The following SGCZ variants were observed in gnomAD, a reference collection of about 807,000 sequenced individuals.
SGCZ encodes zeta-sarcoglycan.
A neutral mutation model predicts 41.3 loss-of-function variants in SGCZ; 40 were observed. The observed-to-expected ratio is 0.97, with a 90% confidence interval of 0.75 to 1.26. SGCZ has a LOEUF of 1.26. Ranked by LOEUF, SGCZ falls within the 50% of genes most tolerant of loss-of-function variation. The pLI, the probability that SGCZ is intolerant of heterozygous loss-of-function variation, is 0.00. For synonymous variants in SGCZ, 206 were observed against 137.5 expected, an observed-to-expected ratio of 1.50 and a Z score of -3.49; for missense variants, 552 against 369.8, an observed-to-expected ratio of 1.49 and a Z score of -4.04.
intron 2 of SGCZ, among the ~76,000 whole-genome samples, chr8:14,446,169 C>T (rs117506596): frequency 6.6e-6 from 1 of 152,134 alleles, no homozygotes; most frequent in African/African-American, 2.4e-5. Context: ...GCTCCAATAA[C>T]TGAATCTTCA....
intron 3 of SGCZ, among the ~76,000 whole-genome samples, chr8:14,248,049 G>T (rs1005191752): frequency 2.6e-5 from 4 of 152,156 alleles, no homozygotes; most frequent in Non-Finnish European, 5.9e-5. Flanking sequence ...TATGTCCAAA[G>T]AAATCAAATT....
At chr8:14,268,643 A>T (rs1398130695) in intron 3 of SGCZ, among the ~76,000 whole-genome samples, 3 of 151,912 alleles carry the variant, frequency 2.0e-5, no homozygotes, top group Admixed American at 1.3e-4. Context: ...GCTTTTAATT[A>T]TAACAAAAAT....
chr8:14,823,225 CA>C (rs1175659478), intron 1 of SGCZ, among the ~76,000 whole-genome samples: 1 of 151,814 alleles, frequency 6.6e-6, no homozygotes, highest in African/African-American at 2.4e-5. Flanking sequence ...CAAAAATATA[CA>C]AACAGAATTA....
At chr8:15,024,891 G>A (rs1803393120) in intron 1 of SGCZ, among the ~76,000 whole-genome samples, 1 of 151,784 alleles carries the variant, frequency 6.6e-6, no homozygotes, top group Non-Finnish European at 1.5e-5. Context: ...AGCCGAGATG[G>A]CGCCACTGCA....
chr8:15,140,975 C>T (rs1808299630), intron 1 of SGCZ, among the ~76,000 whole-genome samples: 2 of 152,162 alleles, frequency 1.3e-5, no homozygotes, highest in African/African-American at 4.8e-5. Flanking sequence ...GGATTTATAG[C>T]TTTACTTAAG....
Position 14,867,401 on chromosome 8 carries a change from T to C in SGCZ, c.40-312475A>G, listed in dbSNP as rs145904685. Reference sequence around the variant, plus strand: ...ATGTATTTGCTATAGGGAATAGTACTGCAATAAAGATACACATGCATGTAT... The same window carrying C: ...ATGTATTTGCTATAGGGAATAGTACCGCAATAAAGATACACATGCATGTAT... On this transcript the variant is annotated intron_variant, in intron 1 of 7. Coordinates refer to ENST00000382080, the MANE Select transcript of SGCZ (RefSeq NM_139167.4). Among the ~76,000 whole-genome samples, 186 of 152,264 alleles carry C rather than the reference T, an allele frequency of 1.2e-3. 2 individuals carry two copies. The East Asian group carries it at 0.032, about 26-fold the overall frequency.
At chr8:14,156,259 A>C (rs2116964462) in intron 5 of SGCZ, among the ~76,000 whole-genome samples, 1 of 152,180 alleles carries the variant, frequency 6.6e-6, no homozygotes, top group Middle Eastern at 3.4e-3. Context: ...GGAGATGGAG[A>C]CCATCCTGGC....
intron 1 of SGCZ, among the ~76,000 whole-genome samples, chr8:15,141,839 T>C (rs750576762): frequency 6.6e-6 from 1 of 151,234 alleles, no homozygotes; most frequent in Non-Finnish European, 1.5e-5. Flanking sequence ...AAGCGGAGAT[T>C]GCAGTGAGCC....
At chr8:14,871,890 ATATATGTATGT>A (rs1804166770) in intron 1 of SGCZ, among the ~76,000 whole-genome samples, 1 of 149,832 alleles carries the variant, frequency 6.7e-6, no homozygotes, top group African/African-American at 2.5e-5. Context: ...ATATGTATGT[ATATATGTATGT>A]ATGTATGTAT....
chr8:14,435,084 A>G (rs1800050608), intron 2 of SGCZ, among the ~76,000 whole-genome samples: 1 of 152,200 alleles, frequency 6.6e-6, no homozygotes, highest in Non-Finnish European at 1.5e-5. Context: ...CAAAGTCGAT[A>G]TACTAGAGCA....
chr8:14,588,149 C>G (rs781611095), intron 1 of SGCZ, among the ~76,000 whole-genome samples: 2 of 147,520 alleles, frequency 1.4e-5, no homozygotes, highest in Non-Finnish European at 3.0e-5. Context: ...GTTATTAGAC[C>G]AAATTAGAAT....
chr8:14,234,589 A>C (rs1585260345), intron 4 of SGCZ, among the ~76,000 whole-genome samples: 1 of 152,168 alleles, frequency 6.6e-6, no homozygotes, highest in Non-Finnish European at 1.5e-5. Flanking sequence ...CTAACTATTC[A>C]GTTTGTGTGC....
At chr8:14,480,715 T>G (rs1029594426) in intron 2 of SGCZ, among the ~76,000 whole-genome samples, 7 of 152,078 alleles carry the variant, frequency 4.6e-5, no homozygotes, top group African/African-American at 1.7e-4. Context: ...CATTTCATTA[T>G]AAAGACTATA....
At chr8:14,709,279 A>G (rs1443622940) in intron 1 of SGCZ, among the ~76,000 whole-genome samples, 1 of 152,156 alleles carries the variant, frequency 6.6e-6, no homozygotes, top group African/African-American at 2.4e-5. Flanking sequence ...CTTCGTCTTG[A>G]TCTGCTGAAT....
chr8:14,402,309 A>G (rs1799100197), intron 2 of SGCZ, among the ~76,000 whole-genome samples: 2 of 151,022 alleles, frequency 1.3e-5, no homozygotes, highest in Admixed American at 1.3e-4. Flanking sequence ...CCCATTTGTC[A>G]ATTTTGTCTT....
intron 1 of SGCZ, among the ~76,000 whole-genome samples, chr8:15,201,923 T>C (rs976079088): frequency 1.3e-5 from 2 of 152,250 alleles, no homozygotes; most frequent in African/African-American, 2.4e-5. Context: ...TTTAAATGTT[T>C]TCATTTTCAC....
intron 1 of SGCZ, among the ~76,000 whole-genome samples, chr8:14,961,542 CTT>C (rs1363020664): frequency 4.6e-5 from 7 of 152,022 alleles, no homozygotes; most frequent in Non-Finnish European, 8.8e-5. Context: ...ATTGTTCTCT[CTT>C]ATTATTTTTG....
At chr8:14,345,342 G>A (rs990255978) in intron 2 of SGCZ, among the ~76,000 whole-genome samples, 1 of 152,110 alleles carries the variant, frequency 6.6e-6, no homozygotes, top group East Asian at 1.9e-4. Context: ...AGGCACATTT[G>A]GAAAACTGTT....
At chr8:14,441,702 T>C (rs189947059) in intron 2 of SGCZ, among the ~76,000 whole-genome samples, 17 of 152,338 alleles carry the variant, frequency 1.1e-4, no homozygotes, top group African/African-American at 4.1e-4. Context: ...CACATGTAAT[T>C]TGCAGTTAAT....
Sources: gnomAD v4.1 joint callset for allele counts (sites outside exome capture counted in the v4.1 genomes callset) on GRCh38, gnomAD v4.1.1 for gene constraint, MANE v1.5 for transcripts, NCBI Gene and HGNC (gene_info 2026-07-23, HGNC 2026-07-21) for gene names.